Variants in SLC35F2 observed in about 807,000 individuals in gnomAD.
SLC35F2 encodes the protein solute carrier family 35 member F2.
A neutral mutation model predicts 38.1 loss-of-function variants in SLC35F2; 25 were observed. That is an observed-to-expected ratio of 0.66 (90% CI 0.48 to 0.92). The LOEUF (loss-of-function observed/expected upper bound fraction) is 0.92, where lower values mean the gene tolerates loss of function less well. Ranked by LOEUF, SLC35F2 falls within the 40% of genes least tolerant of loss-of-function variation. SLC35F2 has a pLI of 0.00. For synonymous variants in SLC35F2, 173 were observed against 181.7 expected, an observed-to-expected ratio of 0.95 and a Z score of 0.38; for missense variants, 409 against 452.9, an observed-to-expected ratio of 0.90 and a Z score of 0.88.
intron 4 of SLC35F2, 194 bp from the exon 5 acceptor site, chr11:107,805,709 G>C (rs1343296888): frequency 1.1e-5 from 11 of 975,680 alleles, no homozygotes; most frequent in Non-Finnish European, 1.3e-5. Flanking sequence ...AGACAGTCTT[G>C]CTCTGTTGCT....
At chr11:107,856,420 C>G (rs1029219895) in intron 1 of SLC35F2, among the ~76,000 whole-genome samples, 7 of 152,022 alleles carry the variant, frequency 4.6e-5, no homozygotes, top group Middle Eastern at 3.4e-3. Flanking sequence ...ACAGGCTGGG[C>G]GCGGTGGCTC....
chr11:107,840,936 C>T (rs1313494984), intron 1 of SLC35F2, among the ~76,000 whole-genome samples: 4 of 152,022 alleles, frequency 2.6e-5, no homozygotes, highest in African/African-American at 7.2e-5. Context: ...GCGGAGGCGG[C>T]GAGGAGATTT....
At chr11:107,805,031 T>C in intron 5 of SLC35F2, 2 of 984,482 alleles carry the variant, frequency 2.0e-6, no homozygotes, top group Non-Finnish European at 2.4e-6. Context: ...TGCTTTGTTT[T>C]TGAATAAGCT....
chr11:107,809,585 T>G, intron 3 of SLC35F2: 2 of 642,376 alleles, frequency 3.1e-6, no homozygotes, highest in Non-Finnish European at 3.9e-6. Context: ...TGAGCCAAGA[T>G]CATGCCATTG....
At chr11:107,852,378 C>T (rs1048662363) in intron 1 of SLC35F2, among the ~76,000 whole-genome samples, 2 of 151,742 alleles carry the variant, frequency 1.3e-5, no homozygotes, top group African/African-American at 2.4e-5. Flanking sequence ...GGTGAAACCC[C>T]GTCTCTACTA....
intron 7 of SLC35F2, among the ~76,000 whole-genome samples, chr11:107,796,121 CT>C (rs1859213608): frequency 1.3e-5 from 2 of 152,236 alleles, no homozygotes; most frequent in South Asian, 4.1e-4. Flanking sequence ...AGAGCAAAAA[CT>C]CCATCTCAAG....
At chr11:107,817,048 C>T (rs1859585629) in intron 1 of SLC35F2, among the ~76,000 whole-genome samples, 3 of 152,224 alleles carry the variant, frequency 2.0e-5, no homozygotes, top group South Asian at 4.1e-4. Flanking sequence ...GAGGCCGAGG[C>T]AGGCAGATCA....
At chr11:107,828,060 A>C (rs1296642178) in intron 1 of SLC35F2, among the ~76,000 whole-genome samples, 1 of 152,234 alleles carries the variant, frequency 6.6e-6, no homozygotes, top group Non-Finnish European at 1.5e-5. Flanking sequence ...TAAGGATTGA[A>C]TCTATGACAA....
intron 1 of SLC35F2, among the ~76,000 whole-genome samples, chr11:107,837,538 A>AG (rs2134835163): frequency 6.6e-6 from 1 of 151,324 alleles, no homozygotes; most frequent in East Asian, 1.9e-4. Context: ...AAAAAAAAAA[A>AG]AAAAAATTAG....
chr11:107,795,522 T>C (rs957259464), intron 7 of SLC35F2, among the ~76,000 whole-genome samples: 10 of 151,878 alleles, frequency 6.6e-5, no homozygotes, highest in African/African-American at 2.4e-4. Context: ...ATCAACAGAG[T>C]GAAAAGATAA....
chr11:107,811,013 G>A (rs1026630511), intron 3 of SLC35F2: 5 of 984,868 alleles, frequency 5.1e-6, no homozygotes, highest in Non-Finnish European at 6.0e-6. Flanking sequence ...CCTGGCATTT[G>A]AGTCTATCTC....
intron 1 of SLC35F2, among the ~76,000 whole-genome samples, chr11:107,840,046 G>A (rs1859991210): frequency 6.6e-6 from 1 of 152,126 alleles, no homozygotes; most frequent in Non-Finnish European, 1.5e-5. Context: ...GCAAAATAAA[G>A]AGGGCAGCAT....
At chr11:107,843,360 G>A (rs1199291683) in intron 1 of SLC35F2, among the ~76,000 whole-genome samples, 1 of 148,740 alleles carries the variant, frequency 6.7e-6, no homozygotes, top group Admixed American at 6.7e-5. Flanking sequence ...CTGAGGTCGG[G>A]AGTTCAAGAC....
intron 1 of SLC35F2, among the ~76,000 whole-genome samples, chr11:107,843,166 G>T (rs1383468952): frequency 6.6e-6 from 1 of 152,178 alleles, no homozygotes; most frequent in Non-Finnish European, 1.5e-5. Flanking sequence ...GAGAGCAAAG[G>T]AAGAGTGAAA....
At chr11:107,798,251 A>G (rs1240698903) in intron 7 of SLC35F2, among the ~76,000 whole-genome samples, 3 of 152,022 alleles carry the variant, frequency 2.0e-5, no homozygotes, top group Non-Finnish European at 2.9e-5. Flanking sequence ...TGACCCACTC[A>G]CCTCAGTCTC....
chr11:107,803,548 TTTTG>T, intron 6 of SLC35F2: 11 of 970,156 alleles, frequency 1.1e-5, no homozygotes, highest in Non-Finnish European at 1.3e-5. Flanking sequence ...TTTTCTTTGC[TTTTG>T]TTTGGTTGGA....
In SLC35F2 at chr11:107,823,940, A is replaced by G. The variant is rs944462930; in HGVS notation, c.111-7975T>C. 7 of 949,598 alleles carry G rather than the reference A, an allele frequency of 7.4e-6. No individual in the cohort carries two copies. In the African/African-American group the frequency reaches 8.8e-5, roughly 12 times the overall value. 58.8% of individuals were successfully genotyped at this position (949,598 alleles called of 1,614,324 possible). On this transcript the variant is annotated intron_variant, in intron 1 of 7. Transcript: ENST00000525815. ...CAAGACAGTCTCAAAAAAAAAAAAA[A>G]AAAGAAAAAAGAAAAGAAATAAATT... is the stretch of plus-strand genomic sequence containing the variant.
intron 7 of SLC35F2, among the ~76,000 whole-genome samples, chr11:107,795,201 C>A (rs1373226633): frequency 2.0e-5 from 3 of 152,208 alleles, no homozygotes; most frequent in African/African-American, 7.2e-5. Flanking sequence ...TCCTAAAATT[C>A]ATATGGAACC....
chr11:107,791,596 AG>A lies in SLC35F2; in HGVS notation c.*1018del, dbSNP rs1748309507. The A allele has an allele frequency of 6.6e-6, 1 of 152,240 alleles. No homozygotes were observed. Among genetic ancestry groups the A allele is most frequent in the South Asian group, 2.1e-4 (1 of 4,830 alleles). 9.4% of individuals were successfully genotyped at this position (152,240 alleles called of 1,614,324 possible). A position where few individuals can be genotyped will look rare whatever the true frequency, so the allele number is the denominator to read the frequency against. On this transcript the variant is annotated 3_prime_UTR_variant, in exon 8 of 8. Coordinates refer to ENST00000525815, the MANE Select transcript of SLC35F2 (RefSeq NM_017515.5). The stretch of plus-strand genomic sequence containing the variant: ...TTTTAAACAAACAAACAAACAGGCC[AG>A]GCACAGTGGTTCACATCTGTAATCC...
Sources: gnomAD v4.1 joint callset for allele counts (sites outside exome capture counted in the v4.1 genomes callset) on GRCh38, gnomAD v4.1.1 for gene constraint, MANE v1.5 for transcripts, NCBI Gene and HGNC (gene_info 2026-07-23, HGNC 2026-07-21) for gene names.